Variants in MMP16 observed in about 807,000 individuals in gnomAD.
The protein encoded by MMP16 is matrix metallopeptidase 16, also known as matrix metalloproteinase-16.
MMP16 carries 12 observed loss-of-function variants against 67.8 expected under a neutral mutation model. The observed-to-expected ratio is 0.18, with a 90% confidence interval of 0.11 to 0.29. The LOEUF is 0.29. Among genes scored for constraint, MMP16 ranks in the 10% least tolerant of loss-of-function variants. MMP16 has a pLI of 1.00. For missense variants in MMP16, 475 were observed against 765.7 expected (o/e 0.62, Z 4.48); for synonymous variants, 249 against 255.9 (o/e 0.97, Z 0.26).
intron 6 of MMP16, among the ~76,000 whole-genome samples, chr8:88,087,696 C>T (rs948417186): frequency 1.3e-5 from 2 of 151,668 alleles, no homozygotes; most frequent in Non-Finnish European, 2.9e-5. Context: ...GTAATTCCAG[C>T]ACTTTGGGAG....
At chr8:88,100,960 C>T (rs1809132379) in intron 6 of MMP16, among the ~76,000 whole-genome samples, 1 of 145,384 alleles carries the variant, frequency 6.9e-6, no homozygotes, top group Admixed American at 7.0e-5. Context: ...GGGAACATCA[C>T]ACACCGGGGC....
intron 7 of MMP16, among the ~76,000 whole-genome samples, chr8:88,066,923 A>G (rs981638677): frequency 3.9e-5 from 6 of 152,116 alleles, no homozygotes; most frequent in African/African-American, 1.2e-4. Context: ...TAAAGAATAT[A>G]AAATAACAGT....
chr8:88,303,416 G>A (rs1202911177), intron 1 of MMP16, among the ~76,000 whole-genome samples: 1 of 152,200 alleles, frequency 6.6e-6, no homozygotes, highest in Non-Finnish European at 1.5e-5. Flanking sequence ...CTGTCCAGAA[G>A]AAGAGGGGTC....
chr8:88,266,413 C>T (rs141628679), intron 1 of MMP16, among the ~76,000 whole-genome samples: 1 of 152,134 alleles, frequency 6.6e-6, no homozygotes, highest in African/African-American at 2.4e-5. Context: ...TATGAAATAA[C>T]AGTGTCATTG....
intron 7 of MMP16, among the ~76,000 whole-genome samples, chr8:88,060,507 C>T (rs1228456999): frequency 6.6e-6 from 1 of 152,120 alleles, no homozygotes; most frequent in Non-Finnish European, 1.5e-5. Context: ...TTTCAAGGTT[C>T]CTTTCAGTAC....
At chr8:88,246,819 T>C (rs542083475) in intron 1 of MMP16, among the ~76,000 whole-genome samples, 81 of 152,276 alleles carry the variant, frequency 5.3e-4, no homozygotes, top group South Asian at 1.9e-3. Context: ...AATCAAGTAA[T>C]TAAAATATCC....
chr8:88,204,526 G>A (rs1019315984), intron 1 of MMP16, among the ~76,000 whole-genome samples: 1 of 151,784 alleles, frequency 6.6e-6, no homozygotes, highest in African/African-American at 2.4e-5. Flanking sequence ...TTTCTAATAA[G>A]AGCAAAACAA....
intron 1 of MMP16, among the ~76,000 whole-genome samples, chr8:88,316,001 C>A (rs918613960): frequency 2.6e-5 from 4 of 152,128 alleles, no homozygotes; most frequent in African/African-American, 9.7e-5. Flanking sequence ...TAGACCAAAC[C>A]AGCCACAACG....
At chr8:88,139,847 ATTCCTATTTTCCTAGGTAATTTAAG>A (rs1808182516) in intron 4 of MMP16, among the ~76,000 whole-genome samples, 2 of 152,130 alleles carry the variant, frequency 1.3e-5, no homozygotes, top group South Asian at 4.1e-4. Context: ...GGAAATTTAA[ATTCCTATTTTCCTAGGTAATTTAAG>A]TTCCTATTTT....
At chr8:88,124,670 C>G (rs910867066) in intron 4 of MMP16, among the ~76,000 whole-genome samples, 4 of 151,934 alleles carry the variant, frequency 2.6e-5, no homozygotes, top group African/African-American at 9.7e-5. Flanking sequence ...TTCCACTGAA[C>G]TAATAATAAA....
chr8:88,103,282 A>G (rs1414152575), intron 6 of MMP16, among the ~76,000 whole-genome samples: 2 of 151,772 alleles, frequency 1.3e-5, no homozygotes, highest in Non-Finnish European at 2.9e-5. Flanking sequence ...AGAACATAAC[A>G]ATGCATTGTG....
chr8:88,118,226 T>C (rs553791439), intron 5 of MMP16, among the ~76,000 whole-genome samples: 1 of 152,060 alleles, frequency 6.6e-6, no homozygotes, highest in African/African-American at 2.4e-5. Context: ...ATCTATCACA[T>C]AAGGGTATTT....
chr8:88,079,823 A>G (rs1479321684), intron 6 of MMP16, among the ~76,000 whole-genome samples: 1 of 152,206 alleles, frequency 6.6e-6, no homozygotes, highest in Non-Finnish European at 1.5e-5. Context: ...CCACTGTGTG[A>G]GAACACAGCT....
intron 7 of MMP16, among the ~76,000 whole-genome samples, chr8:88,066,920 T>C (rs564632306): frequency 2.6e-5 from 4 of 152,082 alleles, no homozygotes; most frequent in African/African-American, 9.6e-5. Flanking sequence ...AGATAAAGAA[T>C]ATAAAATAAC....
Position 88,041,915 on chromosome 8 carries a change from A to C in MMP16, c.1490-120T>G, listed in dbSNP as rs1383022787. The C allele has an allele frequency of 1.3e-6, 1 of 757,450 alleles. No individual in the cohort carries two copies. The allele number at this position is 757,450 out of a possible 1,614,324, so 46.9% of individuals were successfully genotyped here. ...TGTATTTTAAGGCCCTTTAATTTTCATAGGAAGAAAACACTATTTTCAGCT... is the reference window on the plus strand; with the variant it reads ...TGTATTTTAAGGCCCTTTAATTTTCCTAGGAAGAAAACACTATTTTCAGCT... On this transcript the variant is annotated intron_variant, in intron 9 of 9. Transcript: ENST00000286614. The surrounding 1 kb of genome is among the most constrained non-coding windows in gnomAD (Gnocchi z 6.0).
chr8:88,044,874 T>G (rs1285745228), intron 9 of MMP16, among the ~76,000 whole-genome samples: 1 of 152,252 alleles, frequency 6.6e-6, no homozygotes, highest in Non-Finnish European at 1.5e-5. Context: ...TTTTTTCATT[T>G]CTTTGTCCTT....
At chr8:88,319,655 C>T (rs1360527852) in intron 1 of MMP16, among the ~76,000 whole-genome samples, 2 of 152,024 alleles carry the variant, frequency 1.3e-5, no homozygotes, top group South Asian at 2.1e-4. Context: ...CTCCATCAGC[C>T]GCATGCAGAG....
At chr8:88,185,392 G>A (rs575102190) in intron 3 of MMP16, among the ~76,000 whole-genome samples, 1 of 152,122 alleles carries the variant, frequency 6.6e-6, no homozygotes, top group East Asian at 1.9e-4. Flanking sequence ...CTGGGAAGTG[G>A]AAGTTGCAGT....
intron 1 of MMP16, among the ~76,000 whole-genome samples, chr8:88,200,632 C>T (rs1809328948): frequency 6.6e-6 from 1 of 151,934 alleles, no homozygotes; most frequent in Non-Finnish European, 1.5e-5. Context: ...GTTGTGCCAA[C>T]AGATATTGCC....
Sources: allele counts gnomAD v4.1 joint callset (sites outside exome capture counted in the v4.1 genomes callset), GRCh38; gene constraint gnomAD v4.1.1; non-coding constraint Gnocchi (gnomAD v3.1); transcripts MANE v1.5; gene names NCBI Gene and HGNC (gene_info 2026-07-23, HGNC 2026-07-21).